The following RGS6 variants were observed in gnomAD, a reference collection of about 807,000 sequenced individuals.
RGS6 encodes regulator of G-protein signaling 6.
In RGS6, 30 loss-of-function variants were observed where a neutral mutation model predicts 78.5. That is an observed-to-expected ratio of 0.38 (90% CI 0.29 to 0.52). The LOEUF (loss-of-function observed/expected upper bound fraction) is 0.52. Among genes scored for constraint, RGS6 ranks in the 20% least tolerant of loss-of-function variants. The pLI, the probability that RGS6 is intolerant of heterozygous loss-of-function variation, is 0.85. For missense variants in RGS6, 495 were observed against 609.7 expected, an observed-to-expected ratio of 0.81 and a Z score of 1.98; for synonymous variants, 206 against 206.0, an observed-to-expected ratio of 1.00 and a Z score of 0.00.
the RGS6 span, among the ~76,000 whole-genome samples, chr14:72,573,439 T>C: frequency 6.6e-6 from 1 of 152,096 alleles, no homozygotes; most frequent in Admixed American, 6.6e-5. Flanking sequence ...CATCTAGAGA[T>C]TGCAAATCAG....
intron 2 of RGS6, among the ~76,000 whole-genome samples, chr14:72,237,627 C>T (rs1202254025): frequency 6.6e-6 from 1 of 152,188 alleles, no homozygotes; most frequent in African/African-American, 2.4e-5. Flanking sequence ...GTCCTGTACT[C>T]TCTGACTGCT....
chr14:72,152,106 A>G (rs2096698840), intron 2 of RGS6, among the ~76,000 whole-genome samples: 1 of 152,232 alleles, frequency 6.6e-6, no homozygotes, highest in South Asian at 2.1e-4. Context: ...TGACTGACAC[A>G]TACAGTTAAG....
At chr14:71,998,264 C>A (rs1408295427) in intron 2 of RGS6, among the ~76,000 whole-genome samples, 1 of 152,188 alleles carries the variant, frequency 6.6e-6, no homozygotes, top group Admixed American at 6.5e-5. Flanking sequence ...AGATATGCAT[C>A]TATCTGAGTG....
Position 72,470,093 on chromosome 14 carries a change from C to G in RGS6, c.536+10C>G. 6.3e-7 allele frequency: 1 copy of G among 1,596,040 alleles called. No individual in the cohort carries two copies. The highest frequency in any genetic ancestry group is 8.6e-7 in the Non-Finnish European group (1 of 1,164,084). On this transcript the variant is annotated intron_variant, in intron 8 of 17. Transcript: ENST00000553525. ...CAGAAGCACAAGTAAAGTAGGTGAA[C>G]TTGATAGAGACCTTTTCAGAGAGGA...
intron 2 of RGS6, among the ~76,000 whole-genome samples, chr14:72,282,150 T>C (rs1346136989): frequency 2.0e-5 from 3 of 152,158 alleles, no homozygotes. Context: ...AAGAAGCTGC[T>C]AGGATCCTGG....
intron 15 of RGS6, among the ~76,000 whole-genome samples, chr14:72,527,331 T>A (rs2097131487): frequency 6.6e-6 from 1 of 152,220 alleles, no homozygotes; most frequent in African/African-American, 2.4e-5. Context: ...CTGACTCCCC[T>A]TGGGACCCAA....
At chr14:72,143,045 A>T (rs1377885298) in intron 2 of RGS6, among the ~76,000 whole-genome samples, 1 of 152,154 alleles carries the variant, frequency 6.6e-6, no homozygotes, top group African/African-American at 2.4e-5. Context: ...ATGGAAGTAC[A>T]TGAGGAAAAA....
chr14:72,297,739 G>A (rs1322755144), intron 2 of RGS6, among the ~76,000 whole-genome samples: 1 of 151,222 alleles, frequency 6.6e-6, no homozygotes, highest in Non-Finnish European at 1.5e-5. Flanking sequence ...GGATGAAATT[G>A]GAAATCATCA....
At chr14:72,009,430 T>A (rs2085242450) in intron 2 of RGS6, among the ~76,000 whole-genome samples, 1 of 152,202 alleles carries the variant, frequency 6.6e-6, no homozygotes, top group South Asian at 2.1e-4. Flanking sequence ...TTTCCACTTG[T>A]CACAATACGA....
intron 2 of RGS6, among the ~76,000 whole-genome samples, chr14:72,009,957 A>G (rs1322641787): frequency 1.3e-5 from 2 of 152,102 alleles, no homozygotes; most frequent in Non-Finnish European, 2.9e-5. Flanking sequence ...AAGCAGGCTT[A>G]CTCTCTTTTT....
intron 15 of RGS6, 32 bp from the exon 16 acceptor site, chr14:72,536,150 CCCTT>C: frequency 6.8e-7 from 1 of 1,473,280 alleles, no homozygotes; most frequent in South Asian, 1.1e-5. Flanking sequence ...TGGTTGACAG[CCCTT>C]CCTTGTGTCT....
intron 13 of RGS6, among the ~76,000 whole-genome samples, chr14:72,502,441 C>A (rs1260137950): frequency 6.6e-6 from 1 of 152,148 alleles, no homozygotes; most frequent in African/African-American, 2.4e-5. Context: ...CTTTTTTAAG[C>A]CCCTGGATTT....
intron 2 of RGS6, among the ~76,000 whole-genome samples, chr14:72,147,585 G>A (rs2096622634): frequency 6.6e-6 from 1 of 152,164 alleles, no homozygotes; most frequent in South Asian, 2.1e-4. Flanking sequence ...TGTTGCATGG[G>A]GATTAGGTTT....
chr14:72,107,731 G>T (rs4899427), intron 2 of RGS6, among the ~76,000 whole-genome samples: 1 of 151,976 alleles, frequency 6.6e-6, no homozygotes, highest in Non-Finnish European at 1.5e-5. Context: ...GGGTTTTAAC[G>T]TCTTCTGTAT....
At chr14:72,191,149 C>T (rs2097319172) in intron 2 of RGS6, among the ~76,000 whole-genome samples, 1 of 152,032 alleles carries the variant, frequency 6.6e-6, no homozygotes, top group African/African-American at 2.4e-5. Flanking sequence ...TTACAGCTTC[C>T]CAAGAGTGTT....
chr14:72,506,020 A>G (rs28657799), intron 13 of RGS6, among the ~76,000 whole-genome samples: 2,073 of 152,346 alleles, frequency 0.014, 42 homozygotes, highest in African/African-American at 0.047. Context: ...CAGGAACTTG[A>G]TAAGAATGAA....
intron 3 of RGS6, among the ~76,000 whole-genome samples, chr14:72,436,063 C>T (rs568294392): frequency 1.3e-5 from 2 of 152,260 alleles, no homozygotes; most frequent in African/African-American, 4.8e-5. Context: ...CTCTTTGACC[C>T]TTCTGCCTTT....
chr14:72,460,515 G>A (rs1387507834), intron 6 of RGS6, among the ~76,000 whole-genome samples: 7 of 152,158 alleles, frequency 4.6e-5, no homozygotes, highest in African/African-American at 1.7e-4. Context: ...GTTCTTTATT[G>A]AAGGTGACCA....
chr14:72,027,451 A>G (rs953591954), intron 2 of RGS6, among the ~76,000 whole-genome samples: 8 of 152,166 alleles, frequency 5.3e-5, no homozygotes, highest in African/African-American at 1.7e-4. Context: ...GACATTGACA[A>G]TGTGAGTCAG....
Sources: gnomAD v4.1 joint callset for allele counts (sites outside exome capture counted in the v4.1 genomes callset) on GRCh38, gnomAD v4.1.1 for gene constraint, MANE v1.5 for transcripts, NCBI Gene and HGNC (gene_info 2026-07-23, HGNC 2026-07-21) for gene names.